HM13: variants seen among roughly 807,000 people sequenced by gnomAD.
HM13 encodes signal peptide peptidase.
Under a neutral mutation model 50.0 loss-of-function variants are expected in HM13, and 18 were observed. The ratio of observed to expected loss-of-function variants is 0.36; its 90% CI spans 0.25 to 0.53. The LOEUF (loss-of-function observed/expected upper bound fraction) is 0.53. HM13 is among the 20% of genes least tolerant of loss of function. HM13 has a pLI of 0.90. For synonymous variants in HM13, 197 were observed against 232.6 expected (o/e 0.85, Z 1.39); for missense variants, 393 against 552.4 (o/e 0.71, Z 2.89).
chr20:31,560,167 G>C (rs941123485), intron 9 of HM13, among the ~76,000 whole-genome samples: 1 of 152,214 alleles, frequency 6.6e-6, no homozygotes, highest in African/African-American at 2.4e-5. Flanking sequence ...GTGAGCACGA[G>C]GGGGAGAAGG....
intron 2 of HM13, among the ~76,000 whole-genome samples, chr20:31,531,786 C>T (rs1035857765): frequency 1.3e-5 from 2 of 151,970 alleles, no homozygotes; most frequent in Non-Finnish European, 2.9e-5. Flanking sequence ...CATAGCAAGA[C>T]CCCATCTCTA....
At chr20:31,543,820 G>T in intron 3 of HM13, among the ~76,000 whole-genome samples, 1 of 151,908 alleles carries the variant, frequency 6.6e-6, no homozygotes, top group East Asian at 2.0e-4. Context: ...TATAGTCCCA[G>T]CTACTCGGGA....
chr20:31,518,385 C>G (rs1174698306), intron 1 of HM13, among the ~76,000 whole-genome samples: 1 of 149,820 alleles, frequency 6.7e-6, no homozygotes, highest in Non-Finnish European at 1.5e-5. Flanking sequence ...TGGCTCATGC[C>G]TGTAATCCCA....
intron 3 of HM13, 26 bp from the exon 4 acceptor site, chr20:31,544,921 C>G (rs1212232132): frequency 1.9e-6 from 3 of 1,605,752 alleles, no homozygotes; most frequent in Non-Finnish European, 1.7e-6. Flanking sequence ...GCTCTGTTTG[C>G]CGACTTGCTT....
intron 9 of HM13, 133 bp downstream of exon 9, chr20:31,559,780 C>A: frequency 2.4e-6 from 2 of 846,816 alleles, no homozygotes; most frequent in Non-Finnish European, 4.0e-6. Flanking sequence ...CTGATTTTAT[C>A]TGCATTTTGC....
intron 11 of HM13, among the ~76,000 whole-genome samples, 174 bp downstream of exon 11, chr20:31,566,469 G>A (rs1984921314): frequency 6.6e-6 from 1 of 151,946 alleles, no homozygotes; most frequent in South Asian, 2.1e-4. Context: ...GACACCAGTG[G>A]GAACCTTACC....
intron 8 of HM13, among the ~76,000 whole-genome samples, chr20:31,557,616 TC>T (rs548408813): frequency 1.8e-4 from 27 of 151,116 alleles, no homozygotes; most frequent in African/African-American, 6.6e-4. Flanking sequence ...CCCAACCAAC[TC>T]CCTACTCCTA....
chr20:31,547,354 G>A (rs1983781868), intron 4 of HM13: 1 of 345,382 alleles, frequency 2.9e-6, no homozygotes, highest in East Asian at 7.2e-5. Context: ...GCCGTAAAGC[G>A]CGCTGGCTGT....
rs562403909 is a variant in HM13 at position 31,523,967 on chromosome 20, A to G, written c.184-3517A>G. Among the ~76,000 whole-genome samples, 9 of 152,284 alleles carry G rather than the reference A, an allele frequency of 5.9e-5. No individual in the cohort carries two copies. The South Asian group carries it at 1.9e-3, about 32-fold the overall frequency. ...GGGCTGCCTCAGCCATGCATAGGCA[A>G]GGGTGTGGTTAGGGGCCTCCTCACT... is the stretch of plus-strand genomic sequence containing the variant. On this transcript the variant is annotated intron_variant, in intron 1 of 12. Transcript: ENST00000398174.
At chr20:31,525,097 G>A (rs547088033) in intron 1 of HM13, among the ~76,000 whole-genome samples, 1 of 152,164 alleles carries the variant, frequency 6.6e-6, no homozygotes, top group African/African-American at 2.4e-5. Flanking sequence ...GAAAAGGCTG[G>A]ACAGGTTTAT....
chr20:31,547,460 C>T (rs1983791192), intron 4 of HM13: 2 of 593,062 alleles, frequency 3.4e-6, no homozygotes, highest in Admixed American at 3.1e-5. Context: ...GGAGCCTTGC[C>T]AATTCCGTTT....
At chr20:31,542,493 A>G (rs1983502960) in intron 3 of HM13, among the ~76,000 whole-genome samples, 1 of 152,206 alleles carries the variant, frequency 6.6e-6, no homozygotes, top group African/African-American at 2.4e-5. Context: ...GACATGAGCC[A>G]TCAAGGGCCA....
At chr20:31,520,884 A>G (rs1170100161) in intron 1 of HM13, among the ~76,000 whole-genome samples, 1 of 152,162 alleles carries the variant, frequency 6.6e-6, no homozygotes, top group African/African-American at 2.4e-5. Flanking sequence ...GATCATTTCC[A>G]GGGCATGGCG....
intron 11 of HM13, 127 bp from the exon 12 acceptor site, chr20:31,567,951 G>GCAAAAAAA (rs1985017686): frequency 2.5e-6 from 2 of 805,408 alleles, no homozygotes; most frequent in South Asian, 2.2e-5. Flanking sequence ...CATAAAATCT[G>GCAAAAAAA]GAAGTGCAAA....
At chr20:31,559,998 G>A (rs1034516883) in intron 9 of HM13, among the ~76,000 whole-genome samples, 2 of 152,206 alleles carry the variant, frequency 1.3e-5, no homozygotes, top group African/African-American at 4.8e-5. Flanking sequence ...TCTGGAGAGA[G>A]TGCTGAGCAC....
chr20:31,514,675 A>T lies in HM13; in HGVS notation c.124A>T (p.Met42Leu), dbSNP rs1403528437. ...GCTGGCCTACGGCAGCCTCCTGCTC[A>T]TGGCGCTGCTGCCCATCTTCTTCGG... Reference protein sequence around the residue: ...IALAYGSLLLMALLPIFFGAL... With the variant: ...IALAYGSLLLLALLPIFFGAL... The change falls in exon 1 of 13, where the codon ATG becomes TTG. Residue 42 changes from methionine to leucine, a missense_variant. Transcript: ENST00000398174. The surrounding 1 kb of genome is among the most constrained non-coding windows in gnomAD (Gnocchi z 4.3). 1.9e-6 allele frequency: 3 copies of T among 1,558,550 alleles called. No individual in the cohort carries two copies. The highest frequency in any genetic ancestry group is 2.6e-6 in the Non-Finnish European group (3 of 1,152,034).
chr20:31,532,302 G>C (rs1982867070), intron 2 of HM13, among the ~76,000 whole-genome samples: 1 of 152,142 alleles, frequency 6.6e-6, no homozygotes, highest in South Asian at 2.1e-4. Context: ...GCACACGCCT[G>C]TAATCCCAGC....
chr20:31,544,522 G>A (rs1224431377), intron 3 of HM13, among the ~76,000 whole-genome samples: 3 of 152,190 alleles, frequency 2.0e-5, no homozygotes, highest in Non-Finnish European at 1.5e-5. Flanking sequence ...GGGGGTGACT[G>A]TCAGGTCATC....
Position 31,514,881 on chromosome 20 carries a change from A to C in HM13, c.183+147A>C. On this transcript the variant is annotated intron_variant, in intron 1 of 12. Transcript: ENST00000398174. The surrounding 1 kb of genome is among the most constrained non-coding windows in gnomAD (Gnocchi z 4.3). ...ACCGTTCCCTCTGTCTCGGGCCCACATTCCGGGGCTGGCATTTCCTACCCC... is the reference window on the plus strand; with the variant it reads ...ACCGTTCCCTCTGTCTCGGGCCCACCTTCCGGGGCTGGCATTTCCTACCCC... 2.3e-6 allele frequency: 2 copies of C among 867,828 alleles called. No individual in the cohort carries two copies. The highest frequency in any genetic ancestry group is 3.3e-6 in the Non-Finnish European group (2 of 602,776). The allele number at this position is 867,828 out of a possible 1,614,324, so 53.8% of individuals were successfully genotyped here.
Sources: gnomAD v4.1 joint callset for allele counts (sites outside exome capture counted in the v4.1 genomes callset) on GRCh38, gnomAD v4.1.1 for gene constraint, Gnocchi (gnomAD v3.1) non-coding constraint, MANE v1.5 for transcripts, NCBI Gene and HGNC (gene_info 2026-07-23, HGNC 2026-07-21) for gene names.